Variants in UPF2 observed in about 807,000 individuals in gnomAD.
UPF2 encodes UPF2 regulator of nonsense mediated mRNA decay.
In UPF2, 17 loss-of-function variants were observed where a neutral mutation model predicts 141.4. The observed-to-expected ratio is 0.12, with a 90% CI of 0.08 to 0.18. UPF2 has a LOEUF of 0.18. Ranked by LOEUF, UPF2 falls within the 10% of genes least tolerant of loss-of-function variation. UPF2 has a pLI of 1.00. For missense variants in UPF2, 1,152 were observed against 1,515.9 expected, an observed-to-expected ratio of 0.76 and a Z score of 3.99; for synonymous variants, 540 against 498.0, an observed-to-expected ratio of 1.08 and a Z score of -1.12.
In UPF2 at chr10:12,028,777, G is replaced by A. The variant is rs1834463584; in HGVS notation, c.1113C>T (p.His371=). 1 of 1,611,228 alleles carries A rather than the reference G, an allele frequency of 6.2e-7. No individual in the cohort carries two copies. Among genetic ancestry groups the A allele is most frequent in the Middle Eastern group, 1.7e-4 (1 of 6,050 alleles). ...TSLTKHLKRD[H]RELQNTERQN... is the part of the protein sequence containing the mutation. ...GTCTCTCAGTATTCTGGAGCTCCCT[G>A]TGGTCCCTTTTCAGGTGTTTGGTCA... The change falls in exon 3 of 22, where the codon CAC becomes CAT. Residue 371 remains histidine, a synonymous_variant. Coordinates refer to ENST00000357604, the MANE Select transcript of UPF2 (RefSeq NM_015542.4).
At chr10:11,968,994 G>A (rs1244365266) in intron 9 of UPF2, among the ~76,000 whole-genome samples, 1 of 152,050 alleles carries the variant, frequency 6.6e-6, no homozygotes, top group Non-Finnish European at 1.5e-5. Flanking sequence ...CCGAGTAGCT[G>A]CGATTACAGG....
intron 4 of UPF2, among the ~76,000 whole-genome samples, chr10:12,010,435 T>C (rs377400869): frequency 6.6e-6 from 1 of 151,970 alleles, no homozygotes; most frequent in East Asian, 1.9e-4. Flanking sequence ...TGACAAGACA[T>C]AGATATAAAA....
chr10:11,995,601 G>A (rs966611639), intron 8 of UPF2, among the ~76,000 whole-genome samples: 1 of 152,058 alleles, frequency 6.6e-6, no homozygotes, highest in African/African-American at 2.4e-5. Flanking sequence ...TGGCCAACAG[G>A]GTGAAACCCC....
Position 12,012,731 on chromosome 10 carries a change from G to A in UPF2, c.1306+1293C>T, listed in dbSNP as rs192279374. On this transcript the variant is annotated intron_variant, in intron 4 of 21. Transcript: ENST00000357604. Reference sequence around the variant, plus strand: ...GAAGAATGGCCTGAACCTGGGAGGCGGAGCTTGCAGTGAGCAGAGACCGCA... The same window carrying A: ...GAAGAATGGCCTGAACCTGGGAGGCAGAGCTTGCAGTGAGCAGAGACCGCA... Among the ~76,000 whole-genome samples the A allele has an allele frequency of 5.9e-5, 9 of 151,682 alleles. No homozygotes were observed. In the East Asian group the frequency reaches 7.8e-4, roughly 13 times the overall value.
chr10:12,016,932 A>G lies in UPF2; in HGVS notation c.1146-2748T>C, dbSNP rs1834231898. Among the ~76,000 whole-genome samples, 1 of 151,800 alleles carries G rather than the reference A, an allele frequency of 6.6e-6. No homozygotes were observed. Among genetic ancestry groups the G allele is most frequent in the Non-Finnish European group, 1.5e-5 (1 of 67,946 alleles). On this transcript the variant is annotated intron_variant, in intron 3 of 21. Transcript: ENST00000357604. This position sits in a 1 kb window ranked among gnomAD's most constrained non-coding sequence, Gnocchi z 4.1. The stretch of plus-strand genomic sequence containing the variant: ...CTCCTTGGGAGGCTGAGGCAGGAGA[A>G]TCATTTGAACTCGGAAGGCAGAGGT...
At chr10:12,001,134 G>A (rs945660014) in intron 6 of UPF2, among the ~76,000 whole-genome samples, 9 of 152,172 alleles carry the variant, frequency 5.9e-5, no homozygotes, top group African/African-American at 2.2e-4. Flanking sequence ...GATATTTAGG[G>A]CCGGGTGCGG....
intron 4 of UPF2, among the ~76,000 whole-genome samples, chr10:12,007,401 T>C (rs191403572): frequency 2.6e-5 from 4 of 152,188 alleles, no homozygotes; most frequent in African/African-American, 9.6e-5. Context: ...TAAAAAATAA[T>C]GTAAATCATA....
Position 11,921,007 on chromosome 10 carries a change from T to C in UPF2, c.*291A>G, listed in dbSNP as rs765414876. 1.2e-5 allele frequency: 8 copies of C among 654,966 alleles called. No individual in the cohort carries two copies. The highest frequency in any genetic ancestry group is 1.1e-4 in the South Asian group (8 of 72,600). 40.6% of individuals were successfully genotyped at this position (654,966 alleles called of 1,614,324 possible). On this transcript the variant is annotated 3_prime_UTR_variant, in exon 22 of 22. Transcript: ENST00000357604. The surrounding 1 kb of genome is among the most constrained non-coding windows in gnomAD (Gnocchi z 5.9). ...CGCTCTCCTTGGTGTAACTGCTCAG[T>C]AGTCAAGTGAACCATCTCATTTCTT...
At chr10:12,008,288 C>G (rs902258929) in intron 4 of UPF2, among the ~76,000 whole-genome samples, 3 of 152,026 alleles carry the variant, frequency 2.0e-5, no homozygotes, top group African/African-American at 7.2e-5. Flanking sequence ...TAAAACCTGA[C>G]TTCAAATTTA....
At chr10:11,927,733 A>G (rs1832730420) in intron 21 of UPF2, among the ~76,000 whole-genome samples, 1 of 152,226 alleles carries the variant, frequency 6.6e-6, no homozygotes, top group Non-Finnish European at 1.5e-5. Context: ...TATACTCAAC[A>G]GATGCTAAAG....
At position 12,018,731 on chromosome 10, in the gene UPF2, G is replaced by A. The variant is rs11257485; in HGVS notation, c.1146-4547C>T. Among the ~76,000 whole-genome samples, 1,147 of 152,184 alleles carry A rather than the reference G, an allele frequency of 7.5e-3. 19 individuals carry two copies. The highest frequency in any genetic ancestry group is 0.026 in the African/African-American group (1,079 of 41,496). On this transcript the variant is annotated intron_variant, in intron 3 of 21. Transcript: ENST00000357604. The stretch of plus-strand genomic sequence containing the variant: ...CGTGCCACTGTGCTGCAGCCTGGGT[G>A]ACAGAGTGAGACCCTGCCTCAAAAA...
Position 11,955,329 on chromosome 10 carries a change from C to T in UPF2, c.2753G>A (p.Arg918Lys). The T allele has an allele frequency of 6.2e-7, 1 of 1,614,124 alleles. No individual in the cohort carries two copies. The highest frequency in any genetic ancestry group is 8.5e-7 in the Non-Finnish European group (1 of 1,180,020). Residue 918 changes from arginine to lysine, a missense_variant, in exon 14 of 22, where the codon AGA becomes AAA. Arg to Lys is a conservative substitution (Grantham distance 26). Coordinates refer to ENST00000357604, the MANE Select transcript of UPF2 (RefSeq NM_015542.4). ...CAGAATAGTGCATACGAGTCTAATT[C>T]TGAAAAGATGCTCAGGTGGGTCCAG... Reference protein sequence around the residue: ...SSLDPPEHLFRIRLVCTILDT... With the variant: ...SSLDPPEHLFKIRLVCTILDT...
At chr10:12,006,042 G>A (rs1402249454) in intron 4 of UPF2, among the ~76,000 whole-genome samples, 1 of 150,064 alleles carries the variant, frequency 6.7e-6, no homozygotes. Flanking sequence ...ATCAAGCCCA[G>A]CTAATTTTTC....
intron 21 of UPF2, among the ~76,000 whole-genome samples, chr10:11,929,478 G>T (rs1376689118): frequency 5.3e-5 from 8 of 152,014 alleles, no homozygotes; most frequent in Admixed American, 2.0e-4. Flanking sequence ...CTCTACAAAA[G>T]ACATACAAAT....
chr10:11,990,989 CA>C (rs34436794), intron 8 of UPF2, among the ~76,000 whole-genome samples: 27,189 of 92,856 alleles, frequency 0.29, 2,581 homozygotes, highest in East Asian at 0.49. Flanking sequence ...GACTCCATCT[CA>C]AAAAAAAAAA....
At chr10:11,930,344 G>C (rs1386595988) in intron 20 of UPF2, among the ~76,000 whole-genome samples, 5 of 152,118 alleles carry the variant, frequency 3.3e-5, no homozygotes, top group Admixed American at 3.3e-4. Flanking sequence ...TGAGACTTTA[G>C]GTTCAATTTC....
At chr10:12,022,350 T>C (rs968031250) in intron 3 of UPF2, among the ~76,000 whole-genome samples, 3 of 150,830 alleles carry the variant, frequency 2.0e-5, no homozygotes, top group African/African-American at 7.3e-5. Flanking sequence ...AGGCGGAGGT[T>C]GCAGAGAGCT....
intron 18 of UPF2, among the ~76,000 whole-genome samples, chr10:11,938,853 G>GTTTTGTTTTTTTTTTTTTTTT (rs1832889729): frequency 2.5e-5 from 2 of 79,832 alleles, no homozygotes; most frequent in East Asian, 7.1e-4. Flanking sequence ...TTTTTTTTTT[G>GTTTTGTTTTTTTTTTTTTTTT]TTTTTTTTTT....
chr10:11,927,536 C>T (rs1360553333), intron 21 of UPF2, among the ~76,000 whole-genome samples: 1 of 152,144 alleles, frequency 6.6e-6, no homozygotes, highest in African/African-American at 2.4e-5. Flanking sequence ...TAAGAAAATG[C>T]AAAAGCAGGA....
Sources: gnomAD v4.1 joint callset for allele counts (sites outside exome capture counted in the v4.1 genomes callset) on GRCh38, gnomAD v4.1.1 for gene constraint, Gnocchi (gnomAD v3.1) non-coding constraint, MANE v1.5 for transcripts, NCBI Gene and HGNC (gene_info 2026-07-23, HGNC 2026-07-21) for gene names.